The following DLG2 variants were observed in gnomAD, a reference collection of about 807,000 sequenced individuals.
DLG2 encodes the protein discs large MAGUK scaffold protein 2, also known as disks large homolog 2.
A neutral mutation model predicts 132.5 loss-of-function variants in DLG2; 45 were observed. The observed-to-expected ratio is 0.34, with a 90% CI of 0.27 to 0.44. The LOEUF is 0.44. Ranked by LOEUF, DLG2 falls within the 20% of genes least tolerant of loss-of-function variation. The pLI is 1.00. For synonymous variants in DLG2, 424 were observed against 419.6 expected (o/e 1.01, Z -0.13); for missense variants, 1,045 against 1,196.9 (o/e 0.87, Z 1.87).
At chr11:84,545,889 G>T (rs1223611402) in intron 6 of DLG2, 1 of 157,046 alleles carries the variant, frequency 6.4e-6, no homozygotes, top group African/African-American at 2.4e-5. Context: ...CTAAGTAGCT[G>T]GGATTACAGG....
intron 7 of DLG2, among the ~76,000 whole-genome samples, chr11:84,498,172 T>C (rs1261939941): frequency 6.6e-6 from 1 of 152,204 alleles, no homozygotes; most frequent in Non-Finnish European, 1.5e-5. Flanking sequence ...ATGAGTAGTT[T>C]ATAAAGTATT....
chr11:84,534,813 C>A (rs2099351415), intron 6 of DLG2, 82 bp from the exon 7 acceptor site: 2 of 1,478,824 alleles, frequency 1.4e-6, no homozygotes, highest in East Asian at 2.3e-5. Flanking sequence ...ATTCTAACTT[C>A]ATCAATAGGA....
intron 7 of DLG2, among the ~76,000 whole-genome samples, chr11:84,280,124 T>C (rs2097838150): frequency 6.6e-6 from 1 of 152,312 alleles, no homozygotes; most frequent in Admixed American, 6.5e-5. Context: ...GAAAATCTCA[T>C]GAATTCTAAA....
intron 6 of DLG2, among the ~76,000 whole-genome samples, chr11:85,037,859 C>T (rs192439921): frequency 3.7e-3 from 570 of 152,184 alleles, no homozygotes; most frequent in Non-Finnish European, 4.4e-3. Context: ...TGTATGAATA[C>T]ATAATAGATC....
intron 6 of DLG2, among the ~76,000 whole-genome samples, chr11:84,844,859 T>C (rs2081261852): frequency 6.6e-6 from 1 of 152,208 alleles, no homozygotes; most frequent in South Asian, 2.1e-4. Context: ...TTATATCATT[T>C]AATGTATTAC....
chr11:85,453,337 C>T (rs181585376), intron 3 of DLG2: 44 of 239,446 alleles, frequency 1.8e-4, no homozygotes, highest in Non-Finnish European at 1.8e-4. Flanking sequence ...TTAGTGTAGC[C>T]CTATTGAGTC....
chr11:83,858,311 A>G (rs2154042718), intron 16 of DLG2, among the ~76,000 whole-genome samples: 1 of 152,298 alleles, frequency 6.6e-6, no homozygotes, highest in South Asian at 2.1e-4. Context: ...GCTTTCTTGC[A>G]TTTCATACCT....
chr11:84,221,883 A>C (rs890691702), intron 8 of DLG2, among the ~76,000 whole-genome samples: 3 of 152,084 alleles, frequency 2.0e-5, no homozygotes, highest in Non-Finnish European at 4.4e-5. Flanking sequence ...ATATATACAC[A>C]ATTATATTTA....
intron 7 of DLG2, among the ~76,000 whole-genome samples, chr11:84,378,196 G>A (rs1023340485): frequency 2.0e-5 from 3 of 152,112 alleles, no homozygotes; most frequent in African/African-American, 7.2e-5. Context: ...GATTTATTAG[G>A]ATTAGTGTCC....
chr11:85,606,093 T>A (rs566593289), intron 2 of DLG2, among the ~76,000 whole-genome samples: 157 of 152,348 alleles, frequency 1.0e-3, no homozygotes, highest in Middle Eastern at 3.4e-3. Flanking sequence ...GGGTAGAATG[T>A]CAAGTCATGG....
chr11:84,398,561 C>A (rs900085485), intron 7 of DLG2, among the ~76,000 whole-genome samples: 1 of 152,118 alleles, frequency 6.6e-6, no homozygotes, highest in African/African-American at 2.4e-5. Context: ...GCAATAAATG[C>A]ATTTGCAATA....
At chr11:83,969,318 T>C (rs577330755) in intron 12 of DLG2, among the ~76,000 whole-genome samples, 8 of 152,086 alleles carry the variant, frequency 5.3e-5, no homozygotes, top group Non-Finnish European at 1.0e-4. Context: ...TCTTTCCGAG[T>C]TTACATATAA....
chr11:84,098,051 T>C (rs1331663937), intron 10 of DLG2, among the ~76,000 whole-genome samples: 8 of 150,668 alleles, frequency 5.3e-5, no homozygotes, highest in Non-Finnish European at 5.9e-5. Context: ...TTTTTTTTTT[T>C]TCTTTTTTGC....
chr11:84,543,006 T>A (rs1250874885), intron 6 of DLG2, among the ~76,000 whole-genome samples: 1 of 152,212 alleles, frequency 6.6e-6, no homozygotes, highest in Non-Finnish European at 1.5e-5. Flanking sequence ...CTGTGTCTCA[T>A]CACTTTTATA....
chr11:85,056,424 T>A (rs1258311381), intron 6 of DLG2, among the ~76,000 whole-genome samples: 4 of 151,560 alleles, frequency 2.6e-5, no homozygotes, highest in Non-Finnish European at 4.4e-5. Context: ...CAGAAGAGAG[T>A]GGCAGTAAAC....
rs190708113 is a variant in DLG2 at position 85,615,693 on chromosome 11, T to C, written c.-93+10894A>G. ...CTGCAATCATTTTGTATATATTAGA[T>C]GATTTACAAATTACTTTAGCATCTT... On this transcript the variant is annotated intron_variant, in intron 2 of 27. Transcript: ENST00000376104. Among the ~76,000 whole-genome samples, 281 of 152,268 alleles carry C rather than the reference T, an allele frequency of 1.8e-3. 2 individuals carry two copies. Among genetic ancestry groups the C allele is most frequent in the African/African-American group, 6.3e-3 (261 of 41,580 alleles).
chr11:84,176,600 A>G (rs2095975910), intron 8 of DLG2, among the ~76,000 whole-genome samples: 1 of 151,954 alleles, frequency 6.6e-6, no homozygotes, highest in South Asian at 2.1e-4. Flanking sequence ...CTACATATCT[A>G]TTAGTGTTTC....
intron 3 of DLG2, among the ~76,000 whole-genome samples, chr11:85,299,985 ATTATATGG>A (rs1212542437): frequency 6.6e-6 from 1 of 152,194 alleles, no homozygotes; most frequent in African/African-American, 2.4e-5. Flanking sequence ...AATGCCTCAT[ATTATATGG>A]TAATAATAAA....
chr11:83,989,824 T>C (rs1371256066), intron 11 of DLG2, among the ~76,000 whole-genome samples: 3 of 152,172 alleles, frequency 2.0e-5, no homozygotes, highest in Non-Finnish European at 2.9e-5. Flanking sequence ...CTGACTCAAA[T>C]TGGATGAAGA....
Sources: allele counts gnomAD v4.1 joint callset (sites outside exome capture counted in the v4.1 genomes callset), GRCh38; gene constraint gnomAD v4.1.1; transcripts MANE v1.5; gene names NCBI Gene and HGNC (gene_info 2026-07-23, HGNC 2026-07-21).